DCDC2B: variants seen among roughly 807,000 people sequenced by gnomAD.
DCDC2B encodes the protein doublecortin domain containing 2B, also known as doublecortin domain-containing protein 2B.
A neutral mutation model predicts 38.9 loss-of-function variants in DCDC2B; 41 were observed. That is an observed-to-expected ratio of 1.05 (90% CI 0.82 to 1.37). The LOEUF (loss-of-function observed/expected upper bound fraction) is 1.37. Ranked by LOEUF, DCDC2B falls within the 40% of genes most tolerant of loss-of-function variation. The pLI is 0.00. For synonymous variants in DCDC2B, 181 were observed against 171.9 expected (o/e 1.05, Z -0.41); for missense variants, 453 against 427.2 (o/e 1.06, Z -0.53).
At chr1:32,210,770 A>T (rs891768738) in intron 1 of DCDC2B, among the ~76,000 whole-genome samples, 1 of 151,650 alleles carries the variant, frequency 6.6e-6, no homozygotes, top group Non-Finnish European at 1.5e-5. Context: ...AGTGCAGTGC[A>T]CTGGCGCGAT....
At position 32,216,051 on chromosome 1, in the gene DCDC2B, A is replaced by G. The variant is rs1381561489; in HGVS notation, c.*154A>G. The G allele has an allele frequency of 3.0e-5, 22 of 743,762 alleles. No individual in the cohort carries two copies. Among genetic ancestry groups the G allele is most frequent in the Admixed American group, 8.3e-5 (3 of 36,166 alleles). The allele number at this position is 743,762 out of a possible 1,614,324, so 46.1% of individuals were successfully genotyped here. A position where few individuals can be genotyped will look rare whatever the true frequency, so the allele number is the denominator to read the frequency against. On this transcript the variant is annotated 3_prime_UTR_variant, in exon 9 of 9. Coordinates refer to ENST00000409358, the MANE Select transcript of DCDC2B (RefSeq NM_001099434.2). ...GCCCTCCCCGTTCTCCTGCTCCTAAACCCACAGCCCAGCCTTCCCTTCCTC... is the reference window on the plus strand; with the variant it reads ...GCCCTCCCCGTTCTCCTGCTCCTAAGCCCACAGCCCAGCCTTCCCTTCCTC...
intron 4 of DCDC2B, 104 bp downstream of exon 4, chr1:32,212,305 C>A: frequency 2.6e-6 from 4 of 1,557,858 alleles, no homozygotes; most frequent in Non-Finnish European, 3.5e-6. Context: ...CATGTTCCCC[C>A]ACATGGGACT....
chr1:32,212,592 T>C lies in DCDC2B; in HGVS notation c.630T>C (p.Tyr210=), dbSNP rs754654652. Residue 210 remains tyrosine (Y), a synonymous_variant, in exon 5 of 9, where the codon TAT becomes TAC. Transcript: ENST00000409358. The part of the protein sequence containing the change: ...VGEDEFKDLP[Y]LELLVPSPSL... Reference sequence around the variant, plus strand: ...AGGATGAGTTCAAGGACCTTCCCTATCTGGAGCTGCTGGTGCCCAGCCCCT... The same window carrying C: ...AGGATGAGTTCAAGGACCTTCCCTACCTGGAGCTGCTGGTGCCCAGCCCCT... The C allele has an allele frequency of 6.2e-7, 1 of 1,614,018 alleles. No homozygotes were observed. Among genetic ancestry groups the C allele is most frequent in the Non-Finnish European group, 8.5e-7 (1 of 1,179,894 alleles).
rs765733487 is a variant in DCDC2B, at chr1:32,209,232, G to T, written c.139G>T (p.Val47Leu). Residue 47 changes from valine to leucine, a missense_variant, in exon 1 of 9, where the codon GTG becomes TTG. By Grantham distance (32) the Val-to-Leu change is conservative. Transcript: ENST00000409358. The part of the protein sequence containing the change: ...EAFLCEVTSA[V>L]QAPLAVRALY... ...CTTCCTCTGCGAGGTGACATCAGCT[G>T]TGCAGGCCCCACTGGCTGTGCGTGC... The T allele has an allele frequency of 3.7e-6, 6 of 1,613,928 alleles. No individual in the cohort carries two copies. Among genetic ancestry groups the T allele is most frequent in the Non-Finnish European group, 1.7e-6 (2 of 1,179,908 alleles).
Position 32,214,947 on chromosome 1 carries a change from G to A in DCDC2B, c.850+15G>A. The A allele has an allele frequency of 6.2e-7, 1 of 1,613,770 alleles. No homozygotes were observed. The highest frequency in any genetic ancestry group is 8.5e-7 in the Non-Finnish European group (1 of 1,179,772). On this transcript the variant is annotated intron_variant, in intron 7 of 8. Transcript: ENST00000409358. ...ATTCCCATCAGGTGAGGGGTCCCTG[G>A]GGCTCAGGCCCTTCTCAGCTGCCCT...
intron 1 of DCDC2B, 106 bp from the exon 2 acceptor site, chr1:32,211,166 G>C: frequency 2.0e-6 from 2 of 1,019,104 alleles, no homozygotes; most frequent in South Asian, 1.3e-5. Context: ...ACTATTCCAT[G>C]GGGAGGGATA....
In DCDC2B at chr1:32,212,171, A is replaced by C; in HGVS notation, c.497A>C (p.Lys166Thr). ...WETVLKLLTE[K>T]VKLQSGAVCK... is the part of the protein sequence containing the mutation. ...ACTGTGTTGAAGCTCCTGACTGAGA[A>C]GGTCAAGTTGCAGAGTGGGGCTGTG... The change falls in exon 4 of 9, where the codon AAG becomes ACG. Residue 166 changes from lysine (K) to threonine (T), a missense_variant. Lys to Thr is a moderately conservative substitution (Grantham distance 78, BLOSUM62 -1). Coordinates refer to ENST00000409358, the MANE Select transcript of DCDC2B (RefSeq NM_001099434.2). The C allele has an allele frequency of 1.2e-6, 2 of 1,613,690 alleles. No homozygotes were observed. The highest frequency in any genetic ancestry group is 1.7e-6 in the Non-Finnish European group (2 of 1,179,844).
In DCDC2B at chr1:32,209,093, T is replaced by G. The variant is rs1643473964; in HGVS notation, c.-1T>G. On this transcript the variant is annotated 5_prime_UTR_variant, in exon 1 of 9. Transcript: ENST00000409358. ...TCTGTTTCTCTGACTGAGGATACACTATGGCAGGTGGCAGTCCAGCAGCCA... is the reference window on the plus strand; with the variant it reads ...TCTGTTTCTCTGACTGAGGATACACGATGGCAGGTGGCAGTCCAGCAGCCA... 1.9e-6 allele frequency: 3 copies of G among 1,613,364 alleles called. No homozygotes were observed. Among genetic ancestry groups the G allele is most frequent in the African/African-American group, 2.7e-5 (2 of 74,902 alleles).
chr1:32,211,974 G>A, intron 3 of DCDC2B, 96 bp from the exon 4 acceptor site: 1 of 1,545,244 alleles, frequency 6.5e-7, no homozygotes, highest in Non-Finnish European at 8.8e-7. Flanking sequence ...GGTGAAGAGA[G>A]ACCAGTGTTA....
chr1:32,212,119 T>C lies in DCDC2B; in HGVS notation c.445T>C (p.Ser149Pro), dbSNP rs768594902. Residue 149 changes from serine to proline, a missense_variant, in exon 4 of 9, where the codon TCC (serine) becomes CCC (proline). Coordinates refer to ENST00000409358, the MANE Select transcript of DCDC2B (RefSeq NM_001099434.2). ...AAGTCCCCCATTTAGTCTGAAGCTG[T>C]CCCAGGCTGCCAGCCAGGACTGGGA... ...LVSPPFSLKL[S>P]QAASQDWETV... 3 of 1,613,932 alleles carry C rather than the reference T, an allele frequency of 1.9e-6. No individual in the cohort carries two copies. The highest frequency in any genetic ancestry group is 2.5e-6 in the Non-Finnish European group (3 of 1,179,856).
At chr1:32,215,142 A>G (rs1048462206) in intron 7 of DCDC2B, 9 of 688,114 alleles carry the variant, frequency 1.3e-5, no homozygotes, top group Admixed American at 3.3e-5. Context: ...TGACCTCATC[A>G]TAACTGTCTC....
At chr1:32,211,143 T>C (rs1221603355) in intron 1 of DCDC2B, 129 bp from the exon 2 acceptor site, 4 of 847,504 alleles carry the variant, frequency 4.7e-6, no homozygotes, top group Non-Finnish European at 7.7e-6. Context: ...GTTTCTGGAC[T>C]GAGATGATTG....
Position 32,211,332 on chromosome 1 carries a change from C to G in DCDC2B, c.318+9C>G. The stretch of plus-strand genomic sequence containing the variant: ...AGAGCTGCAGACTACAAGTGAGTCC[C>G]GGGGAACCTGTGCCCCAGCCCCTCT... On this transcript the variant is annotated intron_variant, in intron 2 of 8. Transcript: ENST00000409358. 1.5e-5 allele frequency: 25 copies of G among 1,613,708 alleles called. No individual in the cohort carries two copies. Among genetic ancestry groups the G allele is most frequent in the Non-Finnish European group, 2.1e-5 (25 of 1,179,800 alleles).
chr1:32,214,666 T>G, intron 6 of DCDC2B, 131 bp from the exon 7 acceptor site: 1 of 1,350,746 alleles, frequency 7.4e-7, no homozygotes, highest in Non-Finnish European at 1.0e-6. Context: ...AGGACGTACT[T>G]TGTGAAGACA....
In DCDC2B at chr1:32,215,936, C is replaced by T. The variant is rs758249739; in HGVS notation, c.*39C>T. 210 of 1,492,278 alleles carry T rather than the reference C, an allele frequency of 1.4e-4. 1 individual carries two copies. Among genetic ancestry groups the T allele is most frequent in the Middle Eastern group, 2.0e-4 (1 of 5,056 alleles). The allele number at this position is 1,492,278 out of a possible 1,614,324, so 92.4% of individuals were successfully genotyped here. On this transcript the variant is annotated 3_prime_UTR_variant, in exon 9 of 9. Transcript: ENST00000409358. ...CAGAGGGCAACTGGGGACCACTACTCTGGCCACCTTTTGTCCTTAGCCTCC... is the reference window on the plus strand; with the variant it reads ...CAGAGGGCAACTGGGGACCACTACTTTGGCCACCTTTTGTCCTTAGCCTCC...
At chr1:32,210,722 T>G (rs972986312) in intron 1 of DCDC2B, among the ~76,000 whole-genome samples, 2 of 152,044 alleles carry the variant, frequency 1.3e-5, no homozygotes, top group African/African-American at 4.8e-5. Context: ...GACTTTTTTT[T>G]TTTTTGAGAC....
Position 32,214,871 on chromosome 1 carries a change from T to C in DCDC2B, c.789T>C (p.Tyr263=), listed in dbSNP as rs1638253214. The change falls in exon 7 of 9, where the codon TAT becomes TAC. Residue 263 remains tyrosine (Y), a synonymous_variant. Coordinates refer to ENST00000409358, the MANE Select transcript of DCDC2B (RefSeq NM_001099434.2). The part of the protein sequence containing the change: ...EPDRIKPSAF[Y]ARPQQTIQPR... ...ACCGAATTAAGCCATCTGCTTTCTATGCCAGACCCCAGCAGACCATTCAGC... is the reference window on the plus strand; with the variant it reads ...ACCGAATTAAGCCATCTGCTTTCTACGCCAGACCCCAGCAGACCATTCAGC... 2 of 1,613,844 alleles carry C rather than the reference T, an allele frequency of 1.2e-6. No homozygotes were observed. Among genetic ancestry groups the C allele is most frequent in the Admixed American group, 1.7e-5 (1 of 60,000 alleles).
Position 32,211,272 on chromosome 1 carries a change from C to G in DCDC2B, c.267C>G (p.His89Gln). ...AAGFERFHKL[H>Q]YLPHRGKDPG... ...ACCTGTGATCTATCTGTCCTTTCAG[C>G]TATTTACCCCATAGAGGGAAGGACC... The change falls in exon 2 of 9, where the codon CAC becomes CAG. Residue 89 changes from histidine to glutamine, a missense_variant and splice_region_variant. By Grantham distance (24) the His-to-Gln change is conservative. Transcript: ENST00000409358. 6.2e-7 allele frequency: 1 copy of G among 1,613,812 alleles called. No homozygotes were observed. Among genetic ancestry groups the G allele is most frequent in the Non-Finnish European group, 8.5e-7 (1 of 1,179,796 alleles).
chr1:32,210,746 G>A (rs896788452), intron 1 of DCDC2B, among the ~76,000 whole-genome samples: 11 of 151,096 alleles, frequency 7.3e-5, no homozygotes, highest in African/African-American at 2.7e-4. Context: ...GTCTTGCTCT[G>A]TCACCCAGGC....
Sources: allele counts gnomAD v4.1 joint callset (sites outside exome capture counted in the v4.1 genomes callset), GRCh38; gene constraint gnomAD v4.1.1; transcripts MANE v1.5; gene names NCBI Gene and HGNC (gene_info 2026-07-23, HGNC 2026-07-21).